The following PCDHGA10 variants were observed in gnomAD, a reference collection of about 807,000 sequenced individuals.
PCDHGA10 encodes the protein protocadherin gamma-A10.
In PCDHGA10, 42 loss-of-function variants were observed where a neutral mutation model predicts 59.5. That is an observed-to-expected ratio of 0.71 (90% CI 0.55 to 0.91). The LOEUF is 0.91. Ranked by LOEUF, PCDHGA10 falls within the 40% of genes least tolerant of loss-of-function variation. PCDHGA10 has a pLI of 0.00. For synonymous variants in PCDHGA10, 511 were observed against 517.2 expected, an observed-to-expected ratio of 0.99 and a Z score of 0.16; for missense variants, 1,111 against 1,198.2, an observed-to-expected ratio of 0.93 and a Z score of 1.07.
At chr5:141,508,642 T>A (rs893357826) in intron 3 of PCDHGA10, among the ~76,000 whole-genome samples, 13 of 152,070 alleles carry the variant, frequency 8.5e-5, no homozygotes, top group Admixed American at 2.6e-4. Flanking sequence ...AGCTACTCCG[T>A]CAGGCCCTTC....
At position 141,509,122 on chromosome 5, in the gene PCDHGA10, G is replaced by A. The variant is rs2099875312; in HGVS notation, c.2585-1825G>A. 2.0e-5 allele frequency among the ~76,000 whole-genome samples: 3 copies of A among 152,154 alleles called. No homozygotes were observed. In the South Asian group the frequency reaches 6.2e-4, roughly 32 times the overall value. The stretch of plus-strand genomic sequence containing the variant: ...AGAAACCTGAGCGCTGGTGCGTGAA[G>A]AGAAAAACCGAGGCGCATCCCGGCT... On this transcript the variant is annotated intron_variant, in intron 3 of 3. Transcript: ENST00000398610.
Position 141,490,772 on chromosome 5 carries a change from C to T in PCDHGA10, c.2437-4035C>T. ...GCCTCCTCCTTTGTGTATGTCAACC[C>T]AGAGGATGGACGGATCTTTGCCCAG... On this transcript the variant is annotated intron_variant, in intron 1 of 3. Coordinates refer to ENST00000398610, the MANE Select transcript of PCDHGA10 (RefSeq NM_018913.3). This position sits in a 1 kb window ranked among gnomAD's most constrained non-coding sequence, Gnocchi z 5.4. 6.2e-7 allele frequency: 1 copy of T among 1,614,164 alleles called. No homozygotes were observed. The highest frequency in any genetic ancestry group is 1.1e-5 in the South Asian group (1 of 91,082).
chr5:141,444,800 A>G (rs1294854513), intron 1 of PCDHGA10, among the ~76,000 whole-genome samples: 1 of 152,078 alleles, frequency 6.6e-6, no homozygotes, highest in East Asian at 1.9e-4. Flanking sequence ...CTATTCTTTT[A>G]CTAATAGCAC....
Position 141,477,114 on chromosome 5 carries a change from G to C in PCDHGA10, c.2437-17693G>C. ...AAAGACAAGGGCGCCAATCCCGAAG[G>C]AGCACATTGCAAAGTGTTGGTGGAG... is the stretch of plus-strand genomic sequence containing the variant. On this transcript the variant is annotated intron_variant, in intron 1 of 3. Coordinates refer to ENST00000398610, the MANE Select transcript of PCDHGA10 (RefSeq NM_018913.3). This position sits in a 1 kb window ranked among gnomAD's most constrained non-coding sequence, Gnocchi z 4.9. 4.3e-6 allele frequency: 7 copies of C among 1,614,234 alleles called. No homozygotes were observed. Among genetic ancestry groups the C allele is most frequent in the Non-Finnish European group, 5.9e-6 (7 of 1,180,046 alleles).
At chr5:141,422,434 T>C in intron 1 of PCDHGA10, 5 of 1,609,566 alleles carry the variant, frequency 3.1e-6, no homozygotes, top group Non-Finnish European at 3.4e-6. Context: ...TGGAAATTAT[T>C]ACAAATTGAT....
At chr5:141,440,106 T>A (rs1288263875) in intron 1 of PCDHGA10, 1 of 152,228 alleles carries the variant, frequency 6.6e-6, no homozygotes, top group East Asian at 1.9e-4. Flanking sequence ...AGTGGAGACT[T>A]ACTTGTGAAT....
intron 1 of PCDHGA10, chr5:141,420,295 T>G (rs1282298065): frequency 6.8e-7 from 1 of 1,466,506 alleles, no homozygotes; most frequent in East Asian, 2.3e-5. Flanking sequence ...AAAAATGTAT[T>G]TAATCCTTTT....
chr5:141,501,343 C>T (rs1202291965), intron 2 of PCDHGA10, among the ~76,000 whole-genome samples: 1 of 150,430 alleles, frequency 6.6e-6, no homozygotes, highest in Non-Finnish European at 1.5e-5. Context: ...ACCCCAAACT[C>T]AATAGGGCAA....
At chr5:141,481,220 C>T (rs896803040) in intron 1 of PCDHGA10, among the ~76,000 whole-genome samples, 1 of 152,130 alleles carries the variant, frequency 6.6e-6, no homozygotes, top group African/African-American at 2.4e-5. Context: ...GGTAAGGTCT[C>T]CCAGCCTTAA....
chr5:141,414,026 C>A lies in PCDHGA10; in HGVS notation c.851C>A (p.Ser284Ter). 1 of 1,612,468 alleles carries A rather than the reference C, an allele frequency of 6.2e-7. No homozygotes were observed. The highest frequency in any genetic ancestry group is 8.5e-7 in the Non-Finnish European group (1 of 1,179,368). ...GGTGCCAATGGAGAAGTGACATATT[C>A]ATTCCGAAAATTACCTGACACGCAA... is the stretch of plus-strand genomic sequence containing the variant. ...DEGANGEVTY[S>*]FRKLPDTQLL... The change falls in exon 1 of 4, where the codon TCA (serine) becomes TAA (stop). Residue 284 changes from serine to a stop codon, truncating the protein, a stop_gained. Transcript: ENST00000398610. LOFTEE classifies it high-confidence loss of function.
At chr5:141,419,724 G>T in intron 1 of PCDHGA10, 1 of 1,613,488 alleles carries the variant, frequency 6.2e-7, no homozygotes, top group Non-Finnish European at 8.5e-7. Flanking sequence ...CTGGGGCTGC[G>T]AACAGGCGAG....
At chr5:141,497,713 T>C (rs1357797720) in intron 2 of PCDHGA10, among the ~76,000 whole-genome samples, 3 of 152,084 alleles carry the variant, frequency 2.0e-5, no homozygotes, top group Non-Finnish European at 1.5e-5. Context: ...CTCATTTTTG[T>C]ATTTTTAGTA....
intron 1 of PCDHGA10, among the ~76,000 whole-genome samples, chr5:141,438,635 TAC>T (rs56854727): frequency 0.14 from 4,591 of 32,686 alleles, 460 homozygotes; most frequent in Middle Eastern, 0.21. Flanking sequence ...TATATATATA[TAC>T]ACACACACAC....
At chr5:141,420,245 G>A (rs72790042) in intron 1 of PCDHGA10, 83,459 of 1,583,130 alleles carry the variant, frequency 0.053, 2,452 homozygotes, top group African/African-American at 0.1. Context: ...AACTCCCAGC[G>A]TTGAAGCAGA....
rs750033444 is a variant in PCDHGA10 at position 141,432,950 on chromosome 5, G to C, written c.2436+17339G>C. 1.2e-6 allele frequency: 2 copies of C among 1,614,190 alleles called. No homozygotes were observed. The highest frequency in any genetic ancestry group is 1.7e-6 in the Non-Finnish European group (2 of 1,180,032). ...ACGCCTGCTGCAGGCTTCAGGAGGC[G>C]GCTTGACAGGAGCGCCGGCGTCGCA... On this transcript the variant is annotated intron_variant, in intron 1 of 3. Transcript: ENST00000398610. The surrounding 1 kb of genome is among the most constrained non-coding windows in gnomAD (Gnocchi z 6.0).
rs534356534 is a variant in PCDHGA10 at position 141,432,344 on chromosome 5, C to G, written c.2436+16733C>G. ...CGACTACGAGCAGTTCCGAGACTTG[C>G]AAGTGAAAGTGATGGCGCGGGACAA... is the stretch of plus-strand genomic sequence containing the variant. On this transcript the variant is annotated intron_variant, in intron 1 of 3. Coordinates refer to ENST00000398610, the MANE Select transcript of PCDHGA10 (RefSeq NM_018913.3). This position sits in a 1 kb window ranked among gnomAD's most constrained non-coding sequence, Gnocchi z 6.0. 1.9e-5 allele frequency: 30 copies of G among 1,614,238 alleles called. No individual in the cohort carries two copies. In the East Asian group the frequency reaches 2.5e-4, roughly 13 times the overall value.
intron 1 of PCDHGA10, chr5:141,417,710 T>C: frequency 8.0e-7 from 1 of 1,249,348 alleles, no homozygotes; most frequent in Non-Finnish European, 1.1e-6. Context: ...ACACAGAGGC[T>C]CCCGGCTGCG....
chr5:141,476,071 T>A lies in PCDHGA10; in HGVS notation c.2437-18736T>A. On this transcript the variant is annotated intron_variant, in intron 1 of 3. Transcript: ENST00000398610. The surrounding 1 kb of genome is among the most constrained non-coding windows in gnomAD (Gnocchi z 7.6). ...CCGCTGAAAGTTTCTCAGCGAAATC[T>A]CAGGGACGATCTGGACCCCGCTGAG... 6.6e-7 allele frequency: 1 copy of A among 1,522,792 alleles called. No individual in the cohort carries two copies. The highest frequency in any genetic ancestry group is 8.8e-7 in the Non-Finnish European group (1 of 1,142,680). 94.3% of individuals were successfully genotyped at this position (1,522,792 alleles called of 1,614,324 possible).
intron 2 of PCDHGA10, among the ~76,000 whole-genome samples, chr5:141,504,563 C>G (rs1036149640): frequency 3.3e-5 from 5 of 149,436 alleles, no homozygotes; most frequent in African/African-American, 1.2e-4. Context: ...GACTGGCATT[C>G]TAGGGAACAC....
Sources: gnomAD v4.1 joint callset for allele counts (sites outside exome capture counted in the v4.1 genomes callset) on GRCh38, gnomAD v4.1.1 for gene constraint, Gnocchi (gnomAD v3.1) non-coding constraint, MANE v1.5 for transcripts, NCBI Gene and HGNC (gene_info 2026-07-23, HGNC 2026-07-21) for gene names.